Variants in FARS2 observed in about 807,000 individuals in gnomAD.
The protein encoded by FARS2 is phenylalanyl-tRNA synthetase 2, mitochondrial.
In FARS2, 40 loss-of-function variants were observed where a neutral mutation model predicts 46.4. The observed-to-expected ratio is 0.86, with a 90% CI of 0.67 to 1.12. The LOEUF (loss-of-function observed/expected upper bound fraction) is 1.12, where lower values mean the gene tolerates loss of function less well. FARS2 is among the 50% of genes most tolerant of loss of function. The pLI is 0.00. For missense variants in FARS2, 513 were observed against 567.9 expected, an observed-to-expected ratio of 0.90 and a Z score of 0.98; for synonymous variants, 234 against 214.9, an observed-to-expected ratio of 1.09 and a Z score of -0.78.
intron 3 of FARS2, 114 bp downstream of exon 3, chr6:5,404,815 C>G (rs1342868774): frequency 2.7e-6 from 2 of 750,246 alleles, no homozygotes; most frequent in Admixed American, 3.6e-5. Context: ...TTTTTTTTTC[C>G]CCGAGACGGA....
intron 3 of FARS2, among the ~76,000 whole-genome samples, chr6:5,412,387 G>C (rs1240234152): frequency 1.3e-5 from 2 of 152,210 alleles, no homozygotes; most frequent in African/African-American, 4.8e-5. Flanking sequence ...ACTGTAGTTC[G>C]TTGACTTCTC....
chr6:5,629,099 C>T (rs1776171633), intron 6 of FARS2, among the ~76,000 whole-genome samples: 1 of 152,144 alleles, frequency 6.6e-6, no homozygotes, highest in Non-Finnish European at 1.5e-5. Flanking sequence ...CACATCTGTT[C>T]CAGGGATCAC....
chr6:5,608,046 A>G (rs938867712), intron 5 of FARS2, among the ~76,000 whole-genome samples: 2 of 148,396 alleles, frequency 1.3e-5, no homozygotes, highest in African/African-American at 5.0e-5. Context: ...ATATCTTTTT[A>G]TCGTGAACTT....
intron 4 of FARS2, among the ~76,000 whole-genome samples, chr6:5,507,868 G>C (rs925245007): frequency 4.6e-5 from 7 of 152,222 alleles, no homozygotes; most frequent in Non-Finnish European, 2.9e-5. Context: ...TGTGTAGCCT[G>C]TTAAAACCTG....
intron 6 of FARS2, among the ~76,000 whole-genome samples, chr6:5,658,946 A>T (rs777411898): frequency 1.3e-5 from 2 of 152,200 alleles, no homozygotes; most frequent in Admixed American, 1.3e-4. Flanking sequence ...AGGCGCCCCA[A>T]CACGAATGTT....
intron 6 of FARS2, among the ~76,000 whole-genome samples, chr6:5,685,884 A>T (rs1251532621): frequency 6.6e-6 from 1 of 152,172 alleles, no homozygotes; most frequent in African/African-American, 2.4e-5. Context: ...GTATTAGCAA[A>T]AATGAAGACT....
intron 4 of FARS2, among the ~76,000 whole-genome samples, chr6:5,450,693 A>ATCCAGACTTGGC (rs1764437166): frequency 1.6e-4 from 2 of 12,186 alleles, no homozygotes; most frequent in African/African-American, 4.4e-4. Context: ...TGTGGGAGGT[A>ATCCAGACTTGGC]GTGTGCCGCC....
chr6:5,625,248 A>G (rs2150705949), intron 6 of FARS2, among the ~76,000 whole-genome samples: 1 of 152,238 alleles, frequency 6.6e-6, no homozygotes, highest in Non-Finnish European at 1.5e-5. Flanking sequence ...TCACCAGTTC[A>G]CATTTCTGAG....
the FARS2 span, among the ~76,000 whole-genome samples, chr6:5,256,029 G>C: frequency 3.3e-5 from 5 of 151,510 alleles, no homozygotes; most frequent in East Asian, 9.9e-4. Flanking sequence ...CAGTGGTGCC[G>C]ACTACAGCCC....
At chr6:5,698,685 C>G (rs944149851) in intron 6 of FARS2, among the ~76,000 whole-genome samples, 5 of 152,190 alleles carry the variant, frequency 3.3e-5, no homozygotes, top group South Asian at 4.1e-4. Context: ...TCACCTCTGC[C>G]AGGCTCCTGG....
intron 4 of FARS2, among the ~76,000 whole-genome samples, chr6:5,442,789 C>G (rs894221882): frequency 5.9e-5 from 9 of 152,116 alleles, no homozygotes; most frequent in Non-Finnish European, 7.3e-5. Flanking sequence ...CCAGTGATGC[C>G]CTTTTCACTG....
At chr6:5,673,526 G>A (rs972025771) in intron 6 of FARS2, among the ~76,000 whole-genome samples, 5 of 152,130 alleles carry the variant, frequency 3.3e-5, no homozygotes, top group African/African-American at 1.2e-4. Flanking sequence ...GGACTTGGGC[G>A]GTGAGGAAAT....
intron 4 of FARS2, among the ~76,000 whole-genome samples, chr6:5,490,194 C>T (rs61288110): frequency 0.21 from 32,183 of 151,944 alleles, 3,478 homozygotes; most frequent in East Asian, 0.35. Flanking sequence ...CAAAGTATTT[C>T]TGAGGTTCAT....
intron 4 of FARS2, among the ~76,000 whole-genome samples, chr6:5,502,500 A>G (rs1209567285): frequency 6.6e-6 from 1 of 152,248 alleles, no homozygotes; most frequent in East Asian, 1.9e-4. Context: ...AAGAAAGTTG[A>G]TATTGAACGT....
chr6:5,310,317 A>C (rs540007777), intron 1 of FARS2, among the ~76,000 whole-genome samples: 71 of 152,170 alleles, frequency 4.7e-4, no homozygotes, highest in Non-Finnish European at 8.2e-4. Flanking sequence ...ATAATTTTGG[A>C]GTGGTGAAGG....
chr6:5,558,563 G>C (rs926432863), intron 5 of FARS2, among the ~76,000 whole-genome samples: 1 of 151,938 alleles, frequency 6.6e-6, no homozygotes, highest in African/African-American at 2.4e-5. Flanking sequence ...TTGAGACGGA[G>C]TCTCTCTCTG....
In FARS2 at chr6:5,420,128, C is replaced by T. The variant is rs551954512; in HGVS notation, c.773-10913C>T. On this transcript the variant is annotated intron_variant, in intron 3 of 6. Transcript: ENST00000274680. ...GCAGGGAAACTCCCATTTTTAAAAC[C>T]ATCAACTCTTGTGAGACTTATTCAC... Among the ~76,000 whole-genome samples, 6 of 152,240 alleles carry T rather than the reference C, an allele frequency of 3.9e-5. No homozygotes were observed. The South Asian group carries it at 1.2e-3, about 32-fold the overall frequency.
chr6:5,456,648 T>A (rs1050921664), intron 4 of FARS2, among the ~76,000 whole-genome samples: 2 of 141,106 alleles, frequency 1.4e-5, no homozygotes, highest in African/African-American at 5.2e-5. Flanking sequence ...GGAGAATTGC[T>A]TGAACCTGGG....
intron 1 of FARS2, among the ~76,000 whole-genome samples, chr6:5,310,410 A>G (rs1769005505): frequency 6.6e-6 from 1 of 152,112 alleles, no homozygotes; most frequent in Middle Eastern, 3.4e-3. Flanking sequence ...GTTTAAGGAA[A>G]AAAAAAACCT....
Sources: gnomAD v4.1 joint callset for allele counts (sites outside exome capture counted in the v4.1 genomes callset) on GRCh38, gnomAD v4.1.1 for gene constraint, MANE v1.5 for transcripts, NCBI Gene and HGNC (gene_info 2026-07-23, HGNC 2026-07-21) for gene names.